CECR2: variants seen among roughly 807,000 people sequenced by gnomAD.
CECR2 encodes CECR2 histone acetyl-lysine reader.
In CECR2, 30 loss-of-function variants were observed where a neutral mutation model predicts 154.5. The observed-to-expected ratio is 0.19, with a 90% CI of 0.15 to 0.26. The LOEUF (loss-of-function observed/expected upper bound fraction) is 0.26. Among genes scored for constraint, CECR2 ranks in the 10% least tolerant of loss-of-function variants. The pLI is 1.00. For missense variants in CECR2, 1,743 were observed against 1,829.3 expected (o/e 0.95, Z 0.86); for synonymous variants, 725 against 683.7 (o/e 1.06, Z -0.94).
rs558648070 is a variant in CECR2 at position 17,535,958 on chromosome 22, A to G, written c.1109-1145A>G. Among the ~76,000 whole-genome samples the G allele has an allele frequency of 7.2e-5, 11 of 152,254 alleles. No individual in the cohort carries two copies. The East Asian group carries it at 1.9e-3, about 27-fold the overall frequency. Reference sequence around the variant, plus strand: ...AGAAGCTAGAATTGGGGAAGAAAGTAGAGGCTCAGGCCAGGCACCATGGCT... The same window carrying G: ...AGAAGCTAGAATTGGGGAAGAAAGTGGAGGCTCAGGCCAGGCACCATGGCT... On this transcript the variant is annotated intron_variant, in intron 9 of 18. Coordinates refer to ENST00000262608, the MANE Select transcript of CECR2 (RefSeq NM_001290047.2).
chr22:17,433,097 T>C (rs1171455487), intron 1 of CECR2, among the ~76,000 whole-genome samples: 2 of 152,348 alleles, frequency 1.3e-5, no homozygotes, highest in East Asian at 3.9e-4. Flanking sequence ...TGGAATCCTT[T>C]ATCGCTTATA....
rs989620673 is a variant in CECR2 at position 17,556,340 on chromosome 22, C to T, written c.*3500C>T. ...TTTGTGCCCCTCAGTTCAGTCAGAC[C>T]TCAGCTTTAAATGTCGATTTACTCT... On this transcript the variant is annotated 3_prime_UTR_variant, in exon 19 of 19. Coordinates refer to ENST00000262608, the MANE Select transcript of CECR2 (RefSeq NM_001290047.2). 6.6e-6 allele frequency: 1 copy of T among 152,212 alleles called. No homozygotes were observed. Among genetic ancestry groups the T allele is most frequent in the Non-Finnish European group, 1.5e-5 (1 of 68,046 alleles). 9.4% of individuals were successfully genotyped at this position (152,212 alleles called of 1,614,324 possible). A position where few individuals can be genotyped will look rare whatever the true frequency, so the allele number is the denominator to read the frequency against.
chr22:17,479,391 G>A (rs571652772), intron 2 of CECR2, among the ~76,000 whole-genome samples: 2 of 152,300 alleles, frequency 1.3e-5, no homozygotes, highest in South Asian at 4.1e-4. Flanking sequence ...TTGTGACAGG[G>A]AGGTCCATGA....
intron 1 of CECR2, among the ~76,000 whole-genome samples, chr22:17,464,842 G>A (rs932580796): frequency 3.9e-5 from 6 of 152,076 alleles, no homozygotes; most frequent in Admixed American, 3.9e-4. Context: ...TGCAGTTTTC[G>A]AGAGCACGTC....
chr22:17,442,085 T>C (rs761098027), intron 1 of CECR2, among the ~76,000 whole-genome samples: 3 of 152,150 alleles, frequency 2.0e-5, no homozygotes, highest in Non-Finnish European at 4.4e-5. Context: ...GGGAAGCTGT[T>C]TACATTATCA....
At chr22:17,363,743 C>T (rs2062988168) in intron 1 of CECR2, among the ~76,000 whole-genome samples, 1 of 152,174 alleles carries the variant, frequency 6.6e-6, no homozygotes, top group Non-Finnish European at 1.5e-5. Flanking sequence ...TCAAGCAATC[C>T]TCCCACCTCA....
intron 1 of CECR2, among the ~76,000 whole-genome samples, chr22:17,469,471 C>T (rs1027438589): frequency 5.9e-5 from 9 of 152,316 alleles, no homozygotes; most frequent in Admixed American, 2.0e-4. Flanking sequence ...ATTCTTGGCC[C>T]GCGACAGCGC....
intron 9 of CECR2, among the ~76,000 whole-genome samples, chr22:17,533,493 A>C (rs1011072740): frequency 6.6e-6 from 1 of 151,200 alleles, no homozygotes; most frequent in Non-Finnish European, 1.5e-5. Context: ...ACCCAGGCAT[A>C]GTGGCATATA....
intron 1 of CECR2, among the ~76,000 whole-genome samples, chr22:17,383,509 CAACA>C (rs1249778513): frequency 6.6e-6 from 1 of 152,004 alleles, no homozygotes; most frequent in African/African-American, 2.4e-5. Flanking sequence ...CATTGTGCCT[CAACA>C]AACTACTTTT....
chr22:17,404,133 T>C (rs1219096341), intron 1 of CECR2, among the ~76,000 whole-genome samples: 23 of 151,204 alleles, frequency 1.5e-4, no homozygotes, highest in African/African-American at 3.9e-4. Flanking sequence ...ATGTTGCACG[T>C]CTGTACTCCC....
At chr22:17,425,662 G>A (rs1447939209) in intron 1 of CECR2, among the ~76,000 whole-genome samples, 1 of 152,134 alleles carries the variant, frequency 6.6e-6, no homozygotes, top group Non-Finnish European at 1.5e-5. Flanking sequence ...GAGTTGATGG[G>A]TCTTAGAGGA....
At chr22:17,399,748 A>G (rs750319606) in intron 1 of CECR2, among the ~76,000 whole-genome samples, 64 of 152,238 alleles carry the variant, frequency 4.2e-4, no homozygotes, top group Non-Finnish European at 6.2e-4. Flanking sequence ...GCACAAGTAC[A>G]CTCAGATGCG....
intron 1 of CECR2, among the ~76,000 whole-genome samples, chr22:17,410,288 A>AT (rs1223382246): frequency 3.3e-5 from 5 of 151,578 alleles, no homozygotes; most frequent in African/African-American, 1.2e-4. Flanking sequence ...CCTGTCAACT[A>AT]TTTTTTTTGT....
chr22:17,371,546 G>A (rs2063060980), intron 1 of CECR2, among the ~76,000 whole-genome samples: 1 of 152,214 alleles, frequency 6.6e-6, no homozygotes, highest in African/African-American at 2.4e-5. Context: ...GTCAAAGGAT[G>A]TTTCTCAGTT....
At chr22:17,468,202 ATAAG>A (rs978486185) in intron 1 of CECR2, among the ~76,000 whole-genome samples, 1 of 152,220 alleles carries the variant, frequency 6.6e-6, no homozygotes, top group African/African-American at 2.4e-5. Context: ...CTTACTGAAA[ATAAG>A]TAATATGTGG....
chr22:17,530,432 G>T (rs745667797), intron 9 of CECR2, among the ~76,000 whole-genome samples: 10 of 152,010 alleles, frequency 6.6e-5, no homozygotes, highest in Non-Finnish European at 1.2e-4. Context: ...CCAGCACTTT[G>T]GGAGGCTGAG....
At chr22:17,400,349 C>G (rs942582543) in intron 1 of CECR2, among the ~76,000 whole-genome samples, 2 of 152,124 alleles carry the variant, frequency 1.3e-5, no homozygotes, top group Admixed American at 1.3e-4. Flanking sequence ...AACTTAGTGG[C>G]AGCCAGTCAC....
At chr22:17,428,481 A>AAT (rs1356364983) in intron 1 of CECR2, 6 of 133,532 alleles carry the variant, frequency 4.5e-5, no homozygotes, top group African/African-American at 1.6e-4. Flanking sequence ...AGATAACTGG[A>AAT]ATATCTTCAT....
chr22:17,539,673 T>C (rs1290506653), intron 13 of CECR2, among the ~76,000 whole-genome samples: 1 of 151,960 alleles, frequency 6.6e-6, no homozygotes, highest in African/African-American at 2.4e-5. Context: ...AATAAAAATA[T>C]ATATCTATAT....
Sources: allele counts gnomAD v4.1 joint callset (sites outside exome capture counted in the v4.1 genomes callset), GRCh38; gene constraint gnomAD v4.1.1; transcripts MANE v1.5; gene names NCBI Gene and HGNC (gene_info 2026-07-23, HGNC 2026-07-21).